The following FRAS1 variants were observed in gnomAD, a reference collection of about 807,000 sequenced individuals.
The protein encoded by FRAS1 is extracellular matrix organizing protein FRAS1.
In FRAS1, 290 loss-of-function variants were observed where a neutral mutation model predicts 435.2. That is an observed-to-expected ratio of 0.67 (90% CI 0.61 to 0.73). FRAS1 has a LOEUF of 0.73. FRAS1 is among the 30% of genes least tolerant of loss of function. FRAS1 has a pLI of 0.00. For synonymous variants in FRAS1, 1,800 were observed against 1,851.0 expected, an observed-to-expected ratio of 0.97 and a Z score of 0.71; for missense variants, 4,860 against 5,001.5, an observed-to-expected ratio of 0.97 and a Z score of 0.85.
intron 59 of FRAS1, among the ~76,000 whole-genome samples, chr4:78,494,864 AGTTTATCAAAATCAATT>A (rs761319756): frequency 2.6e-5 from 4 of 152,208 alleles, no homozygotes. Flanking sequence ...ATATACAATC[AGTTTATCAAAATCAATT>A]TTGATAAACT....
intron 15 of FRAS1, among the ~76,000 whole-genome samples, chr4:78,312,884 A>AGG (rs1388027982): frequency 1.1e-4 from 16 of 146,140 alleles, no homozygotes; most frequent in African/African-American, 3.9e-4. Context: ...AGAGAGAGAA[A>AGG]GAAAGAAAGA....
intron 9 of FRAS1, among the ~76,000 whole-genome samples, chr4:78,274,079 T>C (rs1726864839): frequency 6.6e-6 from 1 of 152,238 alleles, no homozygotes; most frequent in Non-Finnish European, 1.5e-5. Context: ...CCATTTCCTT[T>C]AGATTTTCTA....
intron 69 of FRAS1, among the ~76,000 whole-genome samples, chr4:78,523,948 A>G (rs1226953608): frequency 6.6e-6 from 1 of 152,124 alleles, no homozygotes; most frequent in African/African-American, 2.4e-5. Context: ...CCATACCTCC[A>G]TGCTTTTGCA....
At chr4:78,356,884 G>A (rs996438764) in intron 20 of FRAS1, among the ~76,000 whole-genome samples, 4 of 151,860 alleles carry the variant, frequency 2.6e-5, no homozygotes, top group Middle Eastern at 3.4e-3. Context: ...ACACACACAC[G>A]CATACACACA....
At chr4:78,482,821 A>G (rs1309804840) in intron 58 of FRAS1, among the ~76,000 whole-genome samples, 2 of 151,896 alleles carry the variant, frequency 1.3e-5, no homozygotes, top group Non-Finnish European at 2.9e-5. Flanking sequence ...TAAAGAGAGA[A>G]ATTGGAATAA....
At chr4:78,109,184 G>A (rs1742557793) in intron 2 of FRAS1, among the ~76,000 whole-genome samples, 1 of 75,826 alleles carries the variant, frequency 1.3e-5, no homozygotes, top group Non-Finnish European at 2.6e-5. Flanking sequence ...GGAGGAACTG[G>A]TACCATTCCT....
intron 35 of FRAS1, among the ~76,000 whole-genome samples, chr4:78,425,393 C>T (rs916349638): frequency 2.6e-5 from 4 of 152,074 alleles, no homozygotes; most frequent in African/African-American, 4.8e-5. Context: ...TGCTGGGCCA[C>T]CATAGGATAA....
chr4:78,513,095 A>T (rs1051411586), intron 64 of FRAS1, among the ~76,000 whole-genome samples: 1 of 152,176 alleles, frequency 6.6e-6, no homozygotes, highest in African/African-American at 2.4e-5. Flanking sequence ...TTAAAAAGCA[A>T]AGGAGAGCTT....
At chr4:78,192,035 A>G (rs1722560538) in intron 2 of FRAS1, among the ~76,000 whole-genome samples, 1 of 152,182 alleles carries the variant, frequency 6.6e-6, no homozygotes, top group Non-Finnish European at 1.5e-5. Flanking sequence ...AGCATGATTT[A>G]TAATCCTTTG....
chr4:78,189,299 A>T (rs1722423265), intron 2 of FRAS1, among the ~76,000 whole-genome samples: 2 of 152,318 alleles, frequency 1.3e-5, no homozygotes, highest in Middle Eastern at 3.4e-3. Context: ...TGCATTGGAG[A>T]TGAATGGACG....
At chr4:78,391,919 C>T (rs183594899) in intron 29 of FRAS1, among the ~76,000 whole-genome samples, 239 of 152,276 alleles carry the variant, frequency 1.6e-3, no homozygotes, top group Non-Finnish European at 2.8e-3. Context: ...CATAAAATGT[C>T]TATTTCTTAT....
intron 2 of FRAS1, among the ~76,000 whole-genome samples, chr4:78,159,805 C>T (rs934874956): frequency 2.0e-5 from 3 of 152,074 alleles, no homozygotes; most frequent in Non-Finnish European, 2.9e-5. Context: ...CACTTGAACC[C>T]GGGAGGCAGA....
At chr4:78,523,820 G>A (rs1333269178) in intron 69 of FRAS1, among the ~76,000 whole-genome samples, 1 of 152,068 alleles carries the variant, frequency 6.6e-6, no homozygotes, top group East Asian at 1.9e-4. Flanking sequence ...ATTGCCACTT[G>A]GATGAAGCCC....
intron 69 of FRAS1, among the ~76,000 whole-genome samples, chr4:78,525,107 G>A (rs1721490619): frequency 6.6e-6 from 1 of 152,140 alleles, no homozygotes; most frequent in Non-Finnish European, 1.5e-5. Flanking sequence ...AGTAAGGAGT[G>A]GGAGTAGGGC....
chr4:78,216,938 A>G (rs1723793195), intron 2 of FRAS1, among the ~76,000 whole-genome samples: 1 of 152,134 alleles, frequency 6.6e-6, no homozygotes, highest in Non-Finnish European at 1.5e-5. Context: ...AGGGGATAAG[A>G]CTGGAGCAAA....
intron 14 of FRAS1, among the ~76,000 whole-genome samples, chr4:78,301,234 A>C (rs1003935325): frequency 1.3e-5 from 2 of 152,348 alleles, no homozygotes; most frequent in South Asian, 2.1e-4. Context: ...CTCCACTGTG[A>C]AAGAAACCTT....
At chr4:78,499,976 C>A (rs776179716) in intron 61 of FRAS1, 55 bp downstream of exon 61, 364 of 1,329,404 alleles carry the variant, frequency 2.7e-4, no homozygotes, top group Non-Finnish European at 3.5e-4. Context: ...GGGCAAAAAT[C>A]TTGTATTTGA....
At chr4:78,282,992 T>A (rs1578226969) in intron 12 of FRAS1, 25 bp downstream of exon 12, 1 of 1,417,900 alleles carries the variant, frequency 7.1e-7, no homozygotes. Flanking sequence ...CCTCTGTTTC[T>A]ACTGAGATAG....
chr4:78,282,683 T>A (rs1371403094), intron 11 of FRAS1, 137 bp from the exon 12 acceptor site: 13 of 867,308 alleles, frequency 1.5e-5, no homozygotes, highest in Non-Finnish European at 2.2e-5. Flanking sequence ...ATTGTTCTGT[T>A]TCAGAGTTAG....
Sources: allele counts gnomAD v4.1 joint callset (sites outside exome capture counted in the v4.1 genomes callset), GRCh38; gene constraint gnomAD v4.1.1; transcripts MANE v1.5; gene names NCBI Gene and HGNC (gene_info 2026-07-23, HGNC 2026-07-21).